DAZAP1: variants seen among roughly 807,000 people sequenced by gnomAD.
DAZAP1 encodes DAZ associated protein 1.
A neutral mutation model predicts 60.1 loss-of-function variants in DAZAP1; 6 were observed. The ratio of observed to expected loss-of-function variants is 0.10; its 90% CI spans 0.05 to 0.20. The LOEUF (loss-of-function observed/expected upper bound fraction) is 0.20, where lower values mean the gene tolerates loss of function less well. Ranked by LOEUF, DAZAP1 falls within the 10% of genes least tolerant of loss-of-function variation. The pLI is 1.00. For synonymous variants in DAZAP1, 235 were observed against 215.9 expected, an observed-to-expected ratio of 1.09 and a Z score of -0.78; for missense variants, 366 against 560.4, an observed-to-expected ratio of 0.65 and a Z score of 3.50.
chr19:1,429,936 C>T (rs1286636296), intron 8 of DAZAP1, 31 bp from the exon 9 acceptor site: 12 of 1,557,184 alleles, frequency 7.7e-6, no homozygotes, highest in African/African-American at 2.7e-5. Flanking sequence ...GTGGACACGG[C>T]GCCAACCTCC....
At chr19:1,420,923 T>C (rs2083137610) in intron 4 of DAZAP1, among the ~76,000 whole-genome samples, 1 of 152,220 alleles carries the variant, frequency 6.6e-6, no homozygotes, top group Admixed American at 6.5e-5. Context: ...GAAATGTAGC[T>C]CTGCAGAAAT....
At chr19:1,415,386 TG>T (rs1569048229) in intron 1 of DAZAP1, among the ~76,000 whole-genome samples, 3 of 146,640 alleles carry the variant, frequency 2.0e-5, no homozygotes, top group African/African-American at 7.6e-5. Flanking sequence ...TGTGTGTGTG[TG>T]TGTTTTGTTT....
intron 10 of DAZAP1, among the ~76,000 whole-genome samples, 162 bp downstream of exon 10, chr19:1,430,524 TG>T (rs945312719): frequency 5.3e-5 from 8 of 152,210 alleles, no homozygotes; most frequent in Admixed American, 2.6e-4. Flanking sequence ...CACCTGCAGA[TG>T]GGCTCCATCG....
chr19:1,429,147 G>C (rs929804635), intron 8 of DAZAP1, 152 bp downstream of exon 8: 2 of 1,086,670 alleles, frequency 1.8e-6, no homozygotes, highest in African/African-American at 1.6e-5. Context: ...GCGAGGTGCC[G>C]GCTGACAGCC....
chr19:1,422,225 C>A lies in DAZAP1; in HGVS notation c.415-123C>A. Reference sequence around the variant, plus strand: ...CGGAGCAGCTGTTGCCCGTGCACCTCCCCCGCTCAGGGAGGGCGCACCCTG... The same window carrying A: ...CGGAGCAGCTGTTGCCCGTGCACCTACCCCGCTCAGGGAGGGCGCACCCTG... On this transcript the variant is annotated intron_variant, in intron 5 of 11. Coordinates refer to ENST00000233078, the MANE Select transcript of DAZAP1 (RefSeq NM_018959.4). This position sits in a 1 kb window ranked among gnomAD's most constrained non-coding sequence, Gnocchi z 4.5. 1.2e-6 allele frequency: 1 copy of A among 829,658 alleles called. No individual in the cohort carries two copies. The highest frequency in any genetic ancestry group is 1.5e-5 in the South Asian group (1 of 66,092). The allele number at this position is 829,658 out of a possible 1,614,324, so 51.4% of individuals were successfully genotyped here. A position where few individuals can be genotyped will look rare whatever the true frequency, so the allele number is the denominator to read the frequency against.
intron 10 of DAZAP1, among the ~76,000 whole-genome samples, chr19:1,431,717 G>A (rs1003477650): frequency 1.3e-5 from 2 of 152,236 alleles, no homozygotes; most frequent in Non-Finnish European, 2.9e-5. Flanking sequence ...GCACCCTCCA[G>A]TAGAGAAGAA....
chr19:1,421,396 C>T (rs1314295477), intron 5 of DAZAP1, 138 bp downstream of exon 5: 4 of 707,224 alleles, frequency 5.7e-6, no homozygotes, highest in African/African-American at 1.8e-5. Flanking sequence ...CGTATTTCCC[C>T]AACGCCTGCG....
At chr19:1,421,943 C>T (rs558930466) in intron 5 of DAZAP1, among the ~76,000 whole-genome samples, 33 of 152,292 alleles carry the variant, frequency 2.2e-4, no homozygotes, top group African/African-American at 6.5e-4. Flanking sequence ...CCCGCCACTT[C>T]GAGTGAGGGC....
In DAZAP1 at chr19:1,434,002, A is replaced by T; in HGVS notation, c.1049-735A>T. ...TCAGCGGGCCCAGGATCCCCCAGAGAGAGCCCACGCCCACCTGTGCCCACG... is the reference window on the plus strand; with the variant it reads ...TCAGCGGGCCCAGGATCCCCCAGAGTGAGCCCACGCCCACCTGTGCCCACG... On this transcript the variant is annotated intron_variant, in intron 11 of 11. Coordinates refer to ENST00000233078, the MANE Select transcript of DAZAP1 (RefSeq NM_018959.4). This position sits in a 1 kb window ranked among gnomAD's most constrained non-coding sequence, Gnocchi z 8.0. 1.6e-6 allele frequency: 1 copy of T among 624,850 alleles called. No homozygotes were observed. Among genetic ancestry groups the T allele is most frequent in the Non-Finnish European group, 2.8e-6 (1 of 358,700 alleles). 38.7% of individuals were successfully genotyped at this position (624,850 alleles called of 1,614,324 possible).
At position 1,426,067 on chromosome 19, in the gene DAZAP1, C is replaced by G; in HGVS notation, c.546+107C>G. On this transcript the variant is annotated intron_variant, in intron 7 of 11. Transcript: ENST00000233078. The surrounding 1 kb of genome is among the most constrained non-coding windows in gnomAD (Gnocchi z 5.4). Reference sequence around the variant, plus strand: ...CTTCACGGAAAGGGTCGGGCGAGTTCGTCCTGTGAACCTTTGCTGCGTGAG... The same window carrying G: ...CTTCACGGAAAGGGTCGGGCGAGTTGGTCCTGTGAACCTTTGCTGCGTGAG... 2 of 860,914 alleles carry G rather than the reference C, an allele frequency of 2.3e-6. No individual in the cohort carries two copies. The highest frequency in any genetic ancestry group is 1.7e-5 in the Admixed American group (1 of 57,620). The allele number at this position is 860,914 out of a possible 1,614,324, so 53.3% of individuals were successfully genotyped here. A position where few individuals can be genotyped will look rare whatever the true frequency, so the allele number is the denominator to read the frequency against.
Position 1,433,391 on chromosome 19 carries a change from C to G in DAZAP1, c.1048+701C>G. On this transcript the variant is annotated intron_variant, in intron 11 of 11. Transcript: ENST00000233078. The surrounding 1 kb of genome is among the most constrained non-coding windows in gnomAD (Gnocchi z 6.1). Reference sequence around the variant, plus strand: ...CTCCTCCAGCACCAGGGGTCATTCACAAGCAGGGTTTGAGAACATGGGGCA... The same window carrying G: ...CTCCTCCAGCACCAGGGGTCATTCAGAAGCAGGGTTTGAGAACATGGGGCA... 1 of 318,276 alleles carries G rather than the reference C, an allele frequency of 3.1e-6. No homozygotes were observed. The highest frequency in any genetic ancestry group is 6.0e-6 in the Non-Finnish European group (1 of 166,698). 19.7% of individuals were successfully genotyped at this position (318,276 alleles called of 1,614,324 possible). A position where few individuals can be genotyped will look rare whatever the true frequency, so the allele number is the denominator to read the frequency against.
In DAZAP1 at chr19:1,426,891, C is replaced by T. The variant is rs2083316820; in HGVS notation, c.546+931C>T. The T allele has an allele frequency of 6.6e-6, 1 of 152,246 alleles. No homozygotes were observed. The highest frequency in any genetic ancestry group is 2.4e-5 in the African/African-American group (1 of 41,460). The allele number at this position is 152,246 out of a possible 1,614,324, so 9.4% of individuals were successfully genotyped here. A position where few individuals can be genotyped will look rare whatever the true frequency, so the allele number is the denominator to read the frequency against. ...TAACGGAAGAAGACGCTTAGCCCCT[C>T]TGACAGGGCCATGGTTGTTTTTTCA... On this transcript the variant is annotated intron_variant, in intron 7 of 11. Coordinates refer to ENST00000233078, the MANE Select transcript of DAZAP1 (RefSeq NM_018959.4). The surrounding 1 kb of genome is among the most constrained non-coding windows in gnomAD (Gnocchi z 5.4).
rs1045303906 is a variant in DAZAP1, at chr19:1,433,169, C to G, written c.1048+479C>G. 5.7e-5 allele frequency: 10 copies of G among 174,532 alleles called. No individual in the cohort carries two copies. The highest frequency in any genetic ancestry group is 2.0e-4 in the African/African-American group (8 of 40,014). 10.8% of individuals were successfully genotyped at this position (174,532 alleles called of 1,614,324 possible). Reference sequence around the variant, plus strand: ...GCTTCACCCTGGACTGGATGGCTGTCGTGGCTTGGGTCTGCCTGGACGTGA... The same window carrying G: ...GCTTCACCCTGGACTGGATGGCTGTGGTGGCTTGGGTCTGCCTGGACGTGA... On this transcript the variant is annotated intron_variant, in intron 11 of 11. Coordinates refer to ENST00000233078, the MANE Select transcript of DAZAP1 (RefSeq NM_018959.4). This position sits in a 1 kb window ranked among gnomAD's most constrained non-coding sequence, Gnocchi z 6.1.
rs761599602 is a variant in DAZAP1 at position 1,417,532 on chromosome 19, C to T, written c.62C>T (p.Thr21Met). The part of the protein sequence containing the change: ...KLFVGGLDWS[T>M]TQETLRSYFS... ...TTCGTGGGCGGTCTTGACTGGAGCA[C>T]GACCCAAGGTAGGTGGGGAAGGGGT... The change falls in exon 2 of 12, where the codon ACG becomes ATG. Residue 21 changes from threonine to methionine, a missense_variant. Around this residue, in one of 3 missense-constraint regions of DAZAP1, gnomAD observed 98 missense variants for 155.3 expected, o/e 0.63. Transcript: ENST00000233078. 1 of 1,606,178 alleles carries T rather than the reference C, an allele frequency of 6.2e-7. No homozygotes were observed. Among genetic ancestry groups the T allele is most frequent in the Non-Finnish European group, 8.5e-7 (1 of 1,176,708 alleles).
At chr19:1,415,224 G>T (rs2082941721) in intron 1 of DAZAP1, among the ~76,000 whole-genome samples, 1 of 151,998 alleles carries the variant, frequency 6.6e-6, no homozygotes. Context: ...CCAGTGAGGT[G>T]GGGGTGGAGG....
Position 1,422,526 on chromosome 19 carries a change from A to C in DAZAP1, c.463+130A>C, listed in dbSNP as rs1646398243. ...CCTCAGGAAGGGACGATTTGGAGAC[A>C]AATGACTAAAACGTGGGCTCCTCAT... is the stretch of plus-strand genomic sequence containing the variant. On this transcript the variant is annotated intron_variant, in intron 6 of 11. Transcript: ENST00000233078. This position sits in a 1 kb window ranked among gnomAD's most constrained non-coding sequence, Gnocchi z 4.5. 1 of 778,224 alleles carries C rather than the reference A, an allele frequency of 1.3e-6. No homozygotes were observed. The highest frequency in any genetic ancestry group is 1.7e-5 in the South Asian group (1 of 59,684). The allele number at this position is 778,224 out of a possible 1,614,324, so 48.2% of individuals were successfully genotyped here. A position where few individuals can be genotyped will look rare whatever the true frequency, so the allele number is the denominator to read the frequency against.
At position 1,433,339 on chromosome 19, in the gene DAZAP1, A is replaced by G. The variant is rs2083503901; in HGVS notation, c.1048+649A>G. On this transcript the variant is annotated intron_variant, in intron 11 of 11. Coordinates refer to ENST00000233078, the MANE Select transcript of DAZAP1 (RefSeq NM_018959.4). The surrounding 1 kb of genome is among the most constrained non-coding windows in gnomAD (Gnocchi z 6.1). ...TGCTCAGGACCAACGCGGTGGCCTC[A>G]GTGGGCAGGGCTCCAACTACGGTCA... 4.0e-6 allele frequency: 1 copy of G among 251,870 alleles called. No homozygotes were observed. Among genetic ancestry groups the G allele is most frequent in the African/African-American group, 2.3e-5 (1 of 43,964 alleles). The allele number at this position is 251,870 out of a possible 1,614,324, so 15.6% of individuals were successfully genotyped here.
chr19:1,430,273 C>CCA lies in DAZAP1; in HGVS notation c.782_783insCA (p.Phe262SerfsTer74). 1 of 1,429,614 alleles carries CCA rather than the reference C, an allele frequency of 7.0e-7. No homozygotes were observed. Among genetic ancestry groups the CCA allele is most frequent in the Non-Finnish European group, 9.6e-7 (1 of 1,036,400 alleles). 88.6% of individuals were successfully genotyped at this position (1,429,614 alleles called of 1,614,324 possible). On this transcript the variant is annotated frameshift_variant, in exon 10 of 12. Coordinates refer to ENST00000233078, the MANE Select transcript of DAZAP1 (RefSeq NM_018959.4). LOFTEE classifies it high-confidence loss of function. Reference sequence around the variant, plus strand: ...AGAGGAGCCCCCCCGCCACCCCCACCGTTCACCTCCTACATCGTGTCCACC... The same window carrying CCA: ...AGAGGAGCCCCCCCGCCACCCCCACCCAGTTCACCTCCTACATCGTGTCCACC...
At position 1,435,145 on chromosome 19, in the gene DAZAP1, T is replaced by TA. The variant is rs1012125149; in HGVS notation, c.*241dup. ...AAGTCACTGGTTCAACAACAGGGTT[T>TA]AAAAAAAATGTCTTCAGCTTTAATT... On this transcript the variant is annotated 3_prime_UTR_variant, in exon 12 of 12. Coordinates refer to ENST00000233078, the MANE Select transcript of DAZAP1 (RefSeq NM_018959.4). The TA allele has an allele frequency of 1.3e-5, 4 of 306,938 alleles. No individual in the cohort carries two copies. Among genetic ancestry groups the TA allele is most frequent in the Non-Finnish European group, 2.4e-5 (4 of 168,830 alleles). 19.0% of individuals were successfully genotyped at this position (306,938 alleles called of 1,614,324 possible). A position where few individuals can be genotyped will look rare whatever the true frequency, so the allele number is the denominator to read the frequency against.
Sources: allele counts gnomAD v4.1 joint callset (sites outside exome capture counted in the v4.1 genomes callset), GRCh38; gene constraint gnomAD v4.1.1; regional missense constraint gnomAD v4.1.1; non-coding constraint Gnocchi (gnomAD v3.1); transcripts MANE v1.5; gene names NCBI Gene and HGNC (gene_info 2026-07-23, HGNC 2026-07-21).